Variants in ARHGEF1 observed in about 807,000 individuals in gnomAD.
ARHGEF1 encodes 115 kDa guanine nucleotide exchange factor.
Under a neutral mutation model 119.7 loss-of-function variants are expected in ARHGEF1, and 40 were observed. The observed-to-expected ratio is 0.33, with a 90% CI of 0.26 to 0.44. The LOEUF is 0.44. Ranked by LOEUF, ARHGEF1 falls within the 20% of genes least tolerant of loss-of-function variation. The pLI is 1.00. For synonymous variants in ARHGEF1, 494 were observed against 521.0 expected (o/e 0.95, Z 0.71); for missense variants, 976 against 1,268.3 (o/e 0.77, Z 3.50).
At chr19:41,915,126 C>T (rs1394570002) in intron 18 of ARHGEF1, among the ~76,000 whole-genome samples, 3 of 95,920 alleles carry the variant, frequency 3.1e-5, no homozygotes, top group South Asian at 5.7e-4. Flanking sequence ...CCTCCTTCCT[C>T]CCCCCGCCCC....
At chr19:41,891,040 C>T (rs913571520) in intron 4 of ARHGEF1, among the ~76,000 whole-genome samples, 1 of 152,176 alleles carries the variant, frequency 6.6e-6, no homozygotes, top group Non-Finnish European at 1.5e-5. Context: ...CAGGGGCGGG[C>T]ACTCAGGAAA....
At chr19:41,922,139 T>C (rs2074845953), upstream of ARHGEF1, among the ~76,000 whole-genome samples, 2 of 151,982 alleles carry the variant, frequency 1.3e-5, no homozygotes, top group African/African-American at 2.4e-5. Flanking sequence ...CAGAACCAGC[T>C]ACTCAGGGAG....
intron 2 of ARHGEF1, among the ~76,000 whole-genome samples, chr19:41,929,497 C>T (rs1022702116): frequency 6.6e-6 from 1 of 152,174 alleles, no homozygotes; most frequent in East Asian, 1.9e-4. Context: ...AGCTCCCGGC[C>T]GGCCGGACCT....
intron 7 of ARHGEF1, chr19:41,893,066 G>A (rs565911320): frequency 9.8e-7 from 1 of 1,018,984 alleles, no homozygotes; most frequent in East Asian, 2.7e-5. Context: ...TCTGGGTCTT[G>A]TCCATGATCT....
chr19:41,907,709 C>A (rs2074724221), downstream of ARHGEF1: 2 of 293,272 alleles, frequency 6.8e-6, no homozygotes, highest in South Asian at 7.7e-5. Context: ...CCGAGTCTCA[C>A]TCTCTGTTCT....
At chr19:41,919,273 C>T (rs919416060), upstream of ARHGEF1, among the ~76,000 whole-genome samples, 1 of 152,138 alleles carries the variant, frequency 6.6e-6, no homozygotes, top group Non-Finnish European at 1.5e-5. Context: ...CAGGGTGACA[C>T]CAGAAACAGC....
rs571807430 is a variant in ARHGEF1, at chr19:41,897,257, G to A, written c.1121+775G>A. On this transcript the variant is annotated intron_variant, in intron 13 of 28. Transcript: ENST00000354532. ...TTTGGGGACCCTTTGGTGGGTGCGG[G>A]GAGGTGGGTCAGGTTCCATCTGGGC... 4.0e-5 allele frequency: 51 copies of A among 1,280,774 alleles called. 1 individual carries two copies. In the South Asian group the frequency reaches 5.7e-4, roughly 14 times the overall value. 79.3% of individuals were successfully genotyped at this position (1,280,774 alleles called of 1,614,324 possible). A position where few individuals can be genotyped will look rare whatever the true frequency, so the allele number is the denominator to read the frequency against.
Position 41,895,360 on chromosome 19 carries a change from G to A in ARHGEF1, c.889G>A (p.Gly297Ser). 6.2e-7 allele frequency: 1 copy of A among 1,609,212 alleles called. No individual in the cohort carries two copies. The highest frequency in any genetic ancestry group is 8.5e-7 in the Non-Finnish European group (1 of 1,177,322). The change falls in exon 12 of 29, where the codon GGT becomes AGT. Residue 297 changes from glycine to serine, a missense_variant. By Grantham distance (56) the Gly-to-Ser change is moderately conservative. Coordinates refer to ENST00000354532, the MANE Select transcript of ARHGEF1 (RefSeq NM_004706.4). ...LKAEVDAEKP[G>S]ATDRKGGVGM... ...CACTGTCTCCCCAGCCGAGAAGCCA[G>A]GTGCTACAGACCGGAAGGGAGGCGT...
chr19:41,904,032 C>T lies in ARHGEF1; in HGVS notation c.1918-3C>T, dbSNP rs782798281. The stretch of plus-strand genomic sequence containing the variant: ...CACAAACCATCACCCCCTCCTGCCC[C>T]AGAACCTGGACATCACCAAGAAGAA... On this transcript the variant is annotated splice_polypyrimidine_tract_variant and splice_region_variant and intron_variant, in intron 20 of 28. Coordinates refer to ENST00000354532, the MANE Select transcript of ARHGEF1 (RefSeq NM_004706.4). The surrounding 1 kb of genome is among the most constrained non-coding windows in gnomAD (Gnocchi z 8.4). The T allele has an allele frequency of 1.2e-6, 2 of 1,614,114 alleles. No individual in the cohort carries two copies. The highest frequency in any genetic ancestry group is 1.7e-6 in the Non-Finnish European group (2 of 1,180,014).
downstream of ARHGEF1, chr19:41,909,494 G>T: frequency 8.0e-7 from 1 of 1,252,524 alleles, no homozygotes; most frequent in South Asian, 3.7e-5. The surrounding 1 kb of genome is among the most constrained non-coding windows in gnomAD (Gnocchi z 5.2). Flanking sequence ...TGGTGGTGTT[G>T]GGGAGGTGCA....
chr19:41,920,511 T>C (rs2074835899), upstream of ARHGEF1, among the ~76,000 whole-genome samples: 2 of 149,548 alleles, frequency 1.3e-5, no homozygotes, highest in African/African-American at 4.9e-5. Flanking sequence ...CACTCAGACA[T>C]GACACGCTCA....
In ARHGEF1 at chr19:41,892,477, G is replaced by A. The variant is rs930429570; in HGVS notation, c.367+104G>A. 2.0e-5 allele frequency: 32 copies of A among 1,592,610 alleles called. 1 individual carries two copies. Among genetic ancestry groups the A allele is most frequent in the Admixed American group, 3.4e-5 (2 of 59,226 alleles). Reference sequence around the variant, plus strand: ...ACTCCCATGCTCTGCTCGGACAGCCGAGATTCATTCATTCCTTCTTGGCAG... The same window carrying A: ...ACTCCCATGCTCTGCTCGGACAGCCAAGATTCATTCATTCCTTCTTGGCAG... On this transcript the variant is annotated intron_variant, in intron 6 of 28. Transcript: ENST00000354532. The surrounding 1 kb of genome is among the most constrained non-coding windows in gnomAD (Gnocchi z 6.3).
intron 4 of ARHGEF1, among the ~76,000 whole-genome samples, chr19:41,891,278 G>T (rs1313426770): frequency 6.6e-5 from 10 of 152,150 alleles, no homozygotes; most frequent in Admixed American, 6.5e-4. Flanking sequence ...GTGATTTTGG[G>T]TTTTATTTAT....
At chr19:41,912,112 C>T (rs906398301), downstream of ARHGEF1, among the ~76,000 whole-genome samples, 32 of 152,172 alleles carry the variant, frequency 2.1e-4, no homozygotes, top group African/African-American at 7.2e-4. Context: ...GCCCCCATCC[C>T]AAAATGCGGA....
intron 13 of ARHGEF1, chr19:41,898,116 A>ACTG: frequency 1.5e-6 from 2 of 1,374,486 alleles, no homozygotes; most frequent in East Asian, 2.9e-5. Flanking sequence ...CGAGCCACGT[A>ACTG]TGTCAACCCT....
chr19:41,907,152 C>T lies in ARHGEF1; in HGVS notation c.*65C>T. The T allele has an allele frequency of 6.5e-7, 1 of 1,531,532 alleles. No homozygotes were observed. Among genetic ancestry groups the T allele is most frequent in the South Asian group, 1.2e-5 (1 of 83,428 alleles). The allele number at this position is 1,531,532 out of a possible 1,614,324, so 94.9% of individuals were successfully genotyped here. ...ATGGGGGAGAGGACGTGAGGGACCA[C>T]CCCCACCCACACAGCTGCCGCAGCA... is the stretch of plus-strand genomic sequence containing the variant. On this transcript the variant is annotated 3_prime_UTR_variant, in exon 29 of 29. Transcript: ENST00000354532.
chr19:41,910,656 G>C (rs187028396), downstream of ARHGEF1, among the ~76,000 whole-genome samples: 3 of 152,070 alleles, frequency 2.0e-5, no homozygotes, highest in East Asian at 5.8e-4. This position sits in a 1 kb window ranked among gnomAD's most constrained non-coding sequence, Gnocchi z 4.4. Flanking sequence ...TACCTTTCCC[G>C]TCCCTGTGTC....
At chr19:41,913,732 C>T (rs1555851495) in intron 18 of ARHGEF1, among the ~76,000 whole-genome samples, 1 of 150,928 alleles carries the variant, frequency 6.6e-6, no homozygotes, top group Non-Finnish European at 1.5e-5. Flanking sequence ...ATCTTACGCC[C>T]CTAAGATACT....
chr19:41,892,708 G>T lies in ARHGEF1; in HGVS notation c.473G>T (p.Arg158Leu). ...VAVGRQLEDF[R>L]SKRLMGMTPW... Reference sequence around the variant, plus strand: ...GTGGGCCGGCAGCTGGAGGACTTCCGTTCCAAGCGGCTCATGGGCATGACG... The same window carrying T: ...GTGGGCCGGCAGCTGGAGGACTTCCTTTCCAAGCGGCTCATGGGCATGACG... The change falls in exon 7 of 29, where the codon CGT (arginine) becomes CTT (leucine). Residue 158 changes from arginine (R) to leucine (L), a missense_variant. Coordinates refer to ENST00000354532, the MANE Select transcript of ARHGEF1 (RefSeq NM_004706.4). This position sits in a 1 kb window ranked among gnomAD's most constrained non-coding sequence, Gnocchi z 6.3. 1 of 1,613,390 alleles carries T rather than the reference G, an allele frequency of 6.2e-7. No homozygotes were observed. Among genetic ancestry groups the T allele is most frequent in the South Asian group, 1.1e-5 (1 of 91,006 alleles).
Sources: allele counts gnomAD v4.1 joint callset (sites outside exome capture counted in the v4.1 genomes callset), GRCh38; gene constraint gnomAD v4.1.1; non-coding constraint Gnocchi (gnomAD v3.1); transcripts MANE v1.5; gene names NCBI Gene and HGNC (gene_info 2026-07-23, HGNC 2026-07-21).